QSOX1: variants seen among roughly 807,000 people sequenced by gnomAD.
QSOX1 encodes the protein quiescin sulfhydryl oxidase 1.
Under a neutral mutation model 76.1 loss-of-function variants are expected in QSOX1, and 40 were observed. The ratio of observed to expected loss-of-function variants is 0.53; its 90% CI spans 0.41 to 0.68. QSOX1 has a LOEUF of 0.68. QSOX1 is among the 30% of genes least tolerant of loss of function. The pLI is 0.00. For missense variants in QSOX1, 931 were observed against 974.3 expected, an observed-to-expected ratio of 0.96 and a Z score of 0.59; for synonymous variants, 392 against 413.1, an observed-to-expected ratio of 0.95 and a Z score of 0.62.
chr1:180,170,885 C>T (rs967747715), intron 2 of QSOX1, among the ~76,000 whole-genome samples: 6 of 152,198 alleles, frequency 3.9e-5, no homozygotes, highest in African/African-American at 1.4e-4. Flanking sequence ...AATAAAATGT[C>T]GTCCTGCTTC....
At position 180,184,010 on chromosome 1, in the gene QSOX1, G is replaced by C; in HGVS notation, c.847G>C (p.Ala283Pro). The change falls in exon 7 of 12, where the codon GCT becomes CCT. Residue 283 changes from alanine (A) to proline (P), a missense_variant. Ala to Pro is a conservative substitution (Grantham distance 27, BLOSUM62 -1). Coordinates refer to ENST00000367602, the MANE Select transcript of QSOX1 (RefSeq NM_002826.5). Reference protein sequence around the residue: ...AAQTTVAPTTANKIAPTVWKL... With the variant: ...AAQTTVAPTTPNKIAPTVWKL... ...CCAGACCACAGTTGCACCAACCACT[G>C]CTAACAAGATAGCTCCCACTGTTTG... is the stretch of plus-strand genomic sequence containing the variant. 6.2e-7 allele frequency: 1 copy of C among 1,614,188 alleles called. No homozygotes were observed. The highest frequency in any genetic ancestry group is 1.1e-5 in the South Asian group (1 of 91,088).
intron 10 of QSOX1, among the ~76,000 whole-genome samples, chr1:180,192,873 A>G (rs901212609): frequency 6.6e-6 from 1 of 152,132 alleles, no homozygotes; most frequent in Non-Finnish European, 1.5e-5. Flanking sequence ...AGTGCTGAGG[A>G]CTGAATCCTG....
intron 8 of QSOX1, among the ~76,000 whole-genome samples, chr1:180,186,436 C>A (rs573514415): frequency 5.9e-5 from 9 of 152,272 alleles, no homozygotes; most frequent in African/African-American, 1.7e-4. Context: ...CCGTGCCCCC[C>A]ACCTGGGGAT....
At chr1:180,159,090 A>G (rs1183559729) in intron 1 of QSOX1, among the ~76,000 whole-genome samples, 1 of 152,168 alleles carries the variant, frequency 6.6e-6, no homozygotes, top group African/African-American at 2.4e-5. Context: ...AATCCCCACA[A>G]CACCCCCTAC....
At chr1:180,172,421 G>A (rs574888948) in intron 2 of QSOX1, among the ~76,000 whole-genome samples, 1 of 152,212 alleles carries the variant, frequency 6.6e-6, no homozygotes, top group South Asian at 2.1e-4. Context: ...AGAGGCTCTT[G>A]GGGTCCCTGC....
In QSOX1 at chr1:180,196,304, C is replaced by T; in HGVS notation, c.1511C>T (p.Pro504Leu). The T allele has an allele frequency of 6.2e-7, 1 of 1,613,918 alleles. No homozygotes were observed. Among genetic ancestry groups the T allele is most frequent in the East Asian group, 2.2e-5 (1 of 44,864 alleles). ...EDPQFPKVQW[P>L]PRELCSACHN... ...CCCCAGTTCCCCAAGGTGCAGTGGC[C>T]ACCCCGTGAACTTTGTTCTGCCTGC... The change falls in exon 12 of 12, where the codon CCA becomes CTA. Residue 504 changes from proline (P) to leucine (L), a missense_variant. Physicochemically the swap from Pro to Leu is moderately conservative, Grantham distance 98. Coordinates refer to ENST00000367602, the MANE Select transcript of QSOX1 (RefSeq NM_002826.5). This position sits in a 1 kb window ranked among gnomAD's most constrained non-coding sequence, Gnocchi z 4.1.
intron 7 of QSOX1, 34 bp downstream of exon 7, chr1:180,184,084 C>A: frequency 6.2e-7 from 1 of 1,610,108 alleles, no homozygotes; most frequent in South Asian, 1.1e-5. Context: ...CACTTCTTCT[C>A]CTTCCTCTGA....
intron 7 of QSOX1, among the ~76,000 whole-genome samples, chr1:180,185,465 G>A (rs1030794584): frequency 1.3e-5 from 2 of 152,216 alleles, no homozygotes; most frequent in Non-Finnish European, 2.9e-5. Flanking sequence ...TGAGGGCTGC[G>A]GAGAGGTGTG....
chr1:180,155,911 C>T (rs1277458044), intron 1 of QSOX1, among the ~76,000 whole-genome samples: 1 of 152,184 alleles, frequency 6.6e-6, no homozygotes, highest in Non-Finnish European at 1.5e-5. Context: ...TGTTCCCAAT[C>T]CCTGGTTGGG....
intron 1 of QSOX1, among the ~76,000 whole-genome samples, 165 bp downstream of exon 1, chr1:180,155,337 C>G (rs1212541561): frequency 6.6e-6 from 1 of 152,130 alleles, no homozygotes; most frequent in Non-Finnish European, 1.5e-5. Flanking sequence ...TTTCTCAGCT[C>G]CATTTTTGCC....
chr1:180,172,800 T>TGC, intron 2 of QSOX1, among the ~76,000 whole-genome samples: 1 of 152,032 alleles, frequency 6.6e-6, no homozygotes, highest in East Asian at 1.9e-4. Flanking sequence ...ATTACCGGCA[T>TGC]GAGCCACTGC....
chr1:180,179,434 G>C (rs569430928), intron 5 of QSOX1, among the ~76,000 whole-genome samples: 1 of 152,268 alleles, frequency 6.6e-6, no homozygotes, highest in African/African-American at 2.4e-5. Flanking sequence ...TCCAGCTGCA[G>C]TGCCCTGTCT....
chr1:180,168,020 C>T (rs1257505577), intron 2 of QSOX1, among the ~76,000 whole-genome samples: 3 of 152,224 alleles, frequency 2.0e-5, no homozygotes, highest in African/African-American at 7.2e-5. Context: ...CAGCCACTGC[C>T]CAGCCCCCAG....
intron 1 of QSOX1, 47 bp from the exon 2 acceptor site, chr1:180,166,444 G>T (rs774585941): frequency 6.7e-7 from 1 of 1,500,520 alleles, no homozygotes; most frequent in East Asian, 2.3e-5. Context: ...GCGGGCAGAG[G>T]GGGTACCAGC....
chr1:180,196,190 G>A lies in QSOX1; in HGVS notation c.1469-72G>A. 6.6e-7 allele frequency: 1 copy of A among 1,525,160 alleles called. No individual in the cohort carries two copies. Among genetic ancestry groups the A allele is most frequent in the Non-Finnish European group, 8.9e-7 (1 of 1,129,462 alleles). The allele number at this position is 1,525,160 out of a possible 1,614,324, so 94.5% of individuals were successfully genotyped here. ...GCAGACAAGGAAGCTGGCGTTCTGAGTGGAGGAGTGTGGTCTGGGTTTTTG... is the reference window on the plus strand; with the variant it reads ...GCAGACAAGGAAGCTGGCGTTCTGAATGGAGGAGTGTGGTCTGGGTTTTTG... On this transcript the variant is annotated intron_variant, in intron 11 of 11. Coordinates refer to ENST00000367602, the MANE Select transcript of QSOX1 (RefSeq NM_002826.5). The surrounding 1 kb of genome is among the most constrained non-coding windows in gnomAD (Gnocchi z 4.1).
In QSOX1 at chr1:180,202,698, A is replaced by G. The variant is rs1393506174; in HGVS notation, c.*5661A>G. On this transcript the variant is annotated 3_prime_UTR_variant, in exon 12 of 12. Transcript: ENST00000367602. ...TGCAAAAAAAAAAAAAAAAGGGGAAATATAATTGAATACTTCACTGTTTTT... is the reference window on the plus strand; with the variant it reads ...TGCAAAAAAAAAAAAAAAAGGGGAAGTATAATTGAATACTTCACTGTTTTT... The G allele has an allele frequency of 6.9e-6, 1 of 144,078 alleles. No individual in the cohort carries two copies. The highest frequency in any genetic ancestry group is 2.4e-5 in the African/African-American group (1 of 40,888). The allele number at this position is 144,078 out of a possible 1,614,324, so 8.9% of individuals were successfully genotyped here.
At chr1:180,158,201 G>T (rs1347663303) in intron 1 of QSOX1, among the ~76,000 whole-genome samples, 1 of 152,256 alleles carries the variant, frequency 6.6e-6, no homozygotes, top group Non-Finnish European at 1.5e-5. Flanking sequence ...AGCCTGGGCA[G>T]GTAGAGAGGT....
intron 1 of QSOX1, among the ~76,000 whole-genome samples, chr1:180,165,465 C>T (rs1662592086): frequency 6.6e-6 from 1 of 152,270 alleles, no homozygotes; most frequent in African/African-American, 2.4e-5. Flanking sequence ...TCCAGGCAGC[C>T]TGGTTTCTGC....
Position 180,182,202 on chromosome 1 carries a change from G to T in QSOX1, c.635G>T (p.Gly212Val). Residue 212 changes from glycine to valine, a missense_variant, in exon 6 of 12, where the codon GGC becomes GTC. Coordinates refer to ENST00000367602, the MANE Select transcript of QSOX1 (RefSeq NM_002826.5). ...EVALDLSQHKGVAVRRVLNTE... is the reference protein window; with the variant it reads ...EVALDLSQHKVVAVRRVLNTE... The stretch of plus-strand genomic sequence containing the variant: ...GCTCTGGACCTGTCCCAGCACAAAG[G>T]CGTGGCGGTGCGCAGGGTGCTGAAC... 6.2e-7 allele frequency: 1 copy of T among 1,614,226 alleles called. No individual in the cohort carries two copies. The highest frequency in any genetic ancestry group is 8.5e-7 in the Non-Finnish European group (1 of 1,180,034).
Sources: gnomAD v4.1 joint callset for allele counts (sites outside exome capture counted in the v4.1 genomes callset) on GRCh38, gnomAD v4.1.1 for gene constraint, Gnocchi (gnomAD v3.1) non-coding constraint, MANE v1.5 for transcripts, NCBI Gene and HGNC (gene_info 2026-07-23, HGNC 2026-07-21) for gene names.